The following SGCZ variants were observed in gnomAD, a reference collection of about 807,000 sequenced individuals.
SGCZ encodes the protein sarcoglycan zeta, also known as zeta-sarcoglycan.
SGCZ carries 40 observed loss-of-function variants against 41.3 expected under a neutral mutation model. That is an observed-to-expected ratio of 0.97 (90% CI 0.75 to 1.26). The LOEUF is 1.26. Among genes scored for constraint, SGCZ ranks in the 50% most tolerant of loss-of-function variants. The pLI, the probability that SGCZ is intolerant of heterozygous loss-of-function variation, is 0.00. For synonymous variants in SGCZ, 206 were observed against 137.5 expected, an observed-to-expected ratio of 1.50 and a Z score of -3.49; for missense variants, 552 against 369.8, an observed-to-expected ratio of 1.49 and a Z score of -4.04.
intron 4 of SGCZ, among the ~76,000 whole-genome samples, chr8:14,221,754 G>A (rs975348687): frequency 6.6e-6 from 1 of 152,078 alleles, no homozygotes; most frequent in African/African-American, 2.4e-5. Context: ...TGGCCAACAT[G>A]GTGAAACCTC....
intron 1 of SGCZ, among the ~76,000 whole-genome samples, chr8:15,111,064 G>A (rs1807031567): frequency 6.6e-6 from 1 of 152,162 alleles, no homozygotes; most frequent in South Asian, 2.1e-4. Context: ...TGGAGGCAGA[G>A]AACCTAAGGC....
rs146945070 is a variant in SGCZ, at chr8:14,514,825, G to GCACA, written c.234+39903_234+39906dup. On this transcript the variant is annotated intron_variant, in intron 2 of 7. Transcript: ENST00000382080. ...TGTGTGTGTGTGTGTATATATACAC[G>GCACA]CACACACACACACACACACTGCATA... 1.7e-3 allele frequency among the ~76,000 whole-genome samples: 237 copies of GCACA among 135,666 alleles called. 1 individual carries two copies. Among genetic ancestry groups the GCACA allele is most frequent in the Admixed American group, 4.7e-3 (64 of 13,520 alleles). 89.0% of individuals were successfully genotyped at this position (135,666 alleles called of 152,430 possible).
chr8:14,123,932 C>T (rs1427126387), intron 5 of SGCZ, among the ~76,000 whole-genome samples: 1 of 151,980 alleles, frequency 6.6e-6, no homozygotes, highest in Non-Finnish European at 1.5e-5. Flanking sequence ...GAGAGAGGCA[C>T]AAGAATAGTC....
intron 1 of SGCZ, among the ~76,000 whole-genome samples, chr8:14,981,302 A>G (rs1314825207): frequency 6.6e-6 from 1 of 152,218 alleles, no homozygotes; most frequent in Non-Finnish European, 1.5e-5. Context: ...TTATCAGGAT[A>G]TATTTCAAAA....
intron 1 of SGCZ, among the ~76,000 whole-genome samples, chr8:14,712,099 T>A (rs1317064160): frequency 6.6e-6 from 1 of 152,184 alleles, no homozygotes; most frequent in Non-Finnish European, 1.5e-5. Context: ...CGAATCCTCG[T>A]CTCTACTAAA....
chr8:14,983,627 G>C (rs1251997091), intron 1 of SGCZ, among the ~76,000 whole-genome samples: 3 of 152,030 alleles, frequency 2.0e-5, no homozygotes, highest in Non-Finnish European at 4.4e-5. Context: ...TTACAGATGT[G>C]AGCCACCGTG....
At chr8:14,493,755 C>T (rs188573976) in intron 2 of SGCZ, among the ~76,000 whole-genome samples, 221 of 152,080 alleles carry the variant, frequency 1.5e-3, no homozygotes, top group African/African-American at 5.0e-3. Flanking sequence ...ACCTGGAATC[C>T]CTAAATATGA....
At chr8:14,357,553 T>C (rs1219575073) in intron 2 of SGCZ, among the ~76,000 whole-genome samples, 1 of 152,128 alleles carries the variant, frequency 6.6e-6, no homozygotes, top group Non-Finnish European at 1.5e-5. Context: ...AGTAACAAAA[T>C]AGGTAAGACA....
chr8:14,353,364 C>T (rs1357115050), intron 2 of SGCZ, among the ~76,000 whole-genome samples: 1 of 152,042 alleles, frequency 6.6e-6, no homozygotes, highest in Non-Finnish European at 1.5e-5. Flanking sequence ...ATTTCACATA[C>T]CTGTGTAGTG....
chr8:15,141,333 C>T (rs770945943), intron 1 of SGCZ, among the ~76,000 whole-genome samples: 9 of 152,190 alleles, frequency 5.9e-5, no homozygotes, highest in Non-Finnish European at 2.9e-5. Context: ...GTTGACTTTA[C>T]ACAGTATTTC....
chr8:15,029,427 T>C (rs1192938429), intron 1 of SGCZ, among the ~76,000 whole-genome samples: 1 of 152,138 alleles, frequency 6.6e-6, no homozygotes, highest in Non-Finnish European at 1.5e-5. Flanking sequence ...TGCATGTTCA[T>C]GCATGTGTGT....
chr8:14,498,715 C>G (rs970026327), intron 2 of SGCZ, among the ~76,000 whole-genome samples: 1 of 151,914 alleles, frequency 6.6e-6, no homozygotes, highest in Non-Finnish European at 1.5e-5. Context: ...TATGTTATTA[C>G]TTATTTGTGT....
At chr8:14,499,597 C>A (rs1040319207) in intron 2 of SGCZ, among the ~76,000 whole-genome samples, 1 of 152,020 alleles carries the variant, frequency 6.6e-6, no homozygotes, top group Non-Finnish European at 1.5e-5. Flanking sequence ...AGCTAGGCAG[C>A]CTTCCTCCTT....
intron 1 of SGCZ, among the ~76,000 whole-genome samples, chr8:15,020,129 C>G (rs2130940731): frequency 6.6e-6 from 1 of 152,082 alleles, no homozygotes; most frequent in East Asian, 1.9e-4. Flanking sequence ...GATTGGGAGT[C>G]ACCAAACAAA....
At chr8:14,421,229 A>T (rs1413196205) in intron 2 of SGCZ, among the ~76,000 whole-genome samples, 2 of 152,062 alleles carry the variant, frequency 1.3e-5, no homozygotes, top group African/African-American at 4.8e-5. Flanking sequence ...TATTGATCTC[A>T]TGTTTTCTTT....
intron 2 of SGCZ, among the ~76,000 whole-genome samples, chr8:14,457,586 C>T (rs1381465000): frequency 1.3e-5 from 2 of 152,208 alleles, no homozygotes; most frequent in Admixed American, 1.3e-4. Context: ...TCCTAGTCCG[C>T]CTTCATGTTC....
At chr8:15,105,474 C>T (rs1156781578) in intron 1 of SGCZ, among the ~76,000 whole-genome samples, 4 of 152,032 alleles carry the variant, frequency 2.6e-5, no homozygotes, top group African/African-American at 4.8e-5. Flanking sequence ...GAAGTAAGCA[C>T]GTCTTACCAT....
At chr8:14,268,162 G>A (rs1293801810) in intron 3 of SGCZ, among the ~76,000 whole-genome samples, 1 of 149,872 alleles carries the variant, frequency 6.7e-6, no homozygotes. Context: ...GAGAAAAACA[G>A]AAACAACGGA....
intron 1 of SGCZ, among the ~76,000 whole-genome samples, chr8:15,195,152 C>T (rs1473806269): frequency 6.6e-6 from 1 of 152,146 alleles, no homozygotes; most frequent in East Asian, 1.9e-4. Context: ...AATACAGTCT[C>T]TAATCTAAGT....
Sources: gnomAD v4.1 joint callset for allele counts (sites outside exome capture counted in the v4.1 genomes callset) on GRCh38, gnomAD v4.1.1 for gene constraint, MANE v1.5 for transcripts, NCBI Gene and HGNC (gene_info 2026-07-23, HGNC 2026-07-21) for gene names.